Variants in PIGK observed in about 807,000 individuals in gnomAD.
PIGK encodes GPI-anchor transamidase.
PIGK carries 42 observed loss-of-function variants against 50.6 expected under a neutral mutation model. The ratio of observed to expected loss-of-function variants is 0.83; its 90% confidence interval spans 0.65 to 1.07. The LOEUF is 1.07. Ranked by LOEUF, PIGK falls within the 50% of genes least tolerant of loss-of-function variation. The pLI is 0.00. For synonymous variants in PIGK, 151 were observed against 156.0 expected (o/e 0.97, Z 0.24); for missense variants, 448 against 488.7 (o/e 0.92, Z 0.78).
Position 77,093,881 on chromosome 1 carries a change from T to C in PIGK, c.1072-1391A>G, listed in dbSNP as rs1653352351. 2.6e-5 allele frequency among the ~76,000 whole-genome samples: 4 copies of C among 152,280 alleles called. No homozygotes were observed. The South Asian group carries it at 8.3e-4, about 32-fold the overall frequency. Reference sequence around the variant, plus strand: ...TCGGTGGTTCTCAAACCATTTCTAATGGCAAAGCTCTTGGAAGTTACAGTG... The same window carrying C: ...TCGGTGGTTCTCAAACCATTTCTAACGGCAAAGCTCTTGGAAGTTACAGTG... On this transcript the variant is annotated intron_variant, in intron 10 of 10. Coordinates refer to ENST00000370812, the MANE Select transcript of PIGK (RefSeq NM_005482.3).
chr1:77,176,288 G>A (rs111432605), intron 3 of PIGK, among the ~76,000 whole-genome samples: 240 of 152,112 alleles, frequency 1.6e-3, no homozygotes, highest in African/African-American at 5.4e-3. Flanking sequence ...GCTACAGAGG[G>A]CCCCTGAAGA....
At chr1:77,191,424 A>T (rs1166188178) in intron 3 of PIGK, among the ~76,000 whole-genome samples, 1 of 152,214 alleles carries the variant, frequency 6.6e-6, no homozygotes, top group East Asian at 1.9e-4. Flanking sequence ...CTACTATAAT[A>T]AAAGTATTTT....
At chr1:77,214,018 T>C (rs908929883) in intron 1 of PIGK, among the ~76,000 whole-genome samples, 6 of 152,064 alleles carry the variant, frequency 3.9e-5, no homozygotes, top group African/African-American at 1.4e-4. Context: ...TGAGGCTGAG[T>C]AATGCGCTTG....
intron 3 of PIGK, among the ~76,000 whole-genome samples, chr1:77,203,859 A>C (rs1213756918): frequency 1.3e-5 from 2 of 152,132 alleles, no homozygotes; most frequent in Non-Finnish European, 2.9e-5. Context: ...ATAATTTCCT[A>C]TGCCTGTCTT....
intron 3 of PIGK, among the ~76,000 whole-genome samples, chr1:77,172,291 C>T (rs1051681996): frequency 1.3e-5 from 2 of 152,188 alleles, no homozygotes; most frequent in Admixed American, 1.3e-4. Context: ...CACCCATATA[C>T]TGCCAAGTGC....
At chr1:77,184,702 T>G (rs911412702) in intron 3 of PIGK, among the ~76,000 whole-genome samples, 3 of 152,208 alleles carry the variant, frequency 2.0e-5, no homozygotes, top group African/African-American at 7.2e-5. Context: ...ACTCATCTTG[T>G]GGTCATTTCC....
intron 10 of PIGK, among the ~76,000 whole-genome samples, chr1:77,101,563 G>A (rs1426767109): frequency 6.6e-6 from 1 of 152,098 alleles, no homozygotes; most frequent in African/African-American, 2.4e-5. Flanking sequence ...TTGAAGACAA[G>A]AAATATAAAA....
Position 77,210,439 on chromosome 1 carries a change from A to T in PIGK, c.144T>A (p.Val48=). ...TATACTTTTACAGTATACTTACCAG[A>T]ACAGCCCAGTTGTTTGTATGGCCAC... ...FRSGHTNNWA[V]LVCTSRFWFN... Residue 48 remains valine, a synonymous_variant, in exon 2 of 11, where the codon GTT becomes GTA. Transcript: ENST00000370812. 1 of 1,589,108 alleles carries T rather than the reference A, an allele frequency of 6.3e-7. No individual in the cohort carries two copies. The highest frequency in any genetic ancestry group is 1.7e-5 in the Admixed American group (1 of 58,580).
intron 8 of PIGK, among the ~76,000 whole-genome samples, chr1:77,158,710 G>A (rs145243389): frequency 6.6e-6 from 1 of 152,262 alleles, no homozygotes; most frequent in East Asian, 1.9e-4. Context: ...GAAATTGAGG[G>A]AGATGATTTA....
chr1:77,114,898 A>G (rs1653928484), intron 10 of PIGK, among the ~76,000 whole-genome samples: 1 of 152,200 alleles, frequency 6.6e-6, no homozygotes, highest in Non-Finnish European at 1.5e-5. Context: ...GGAAAGCGCT[A>G]CAAGATTTTA....
intron 9 of PIGK, among the ~76,000 whole-genome samples, chr1:77,133,293 A>G (rs762756298): frequency 1.3e-5 from 2 of 152,130 alleles, no homozygotes; most frequent in Non-Finnish European, 2.9e-5. Flanking sequence ...CCATCGATTG[A>G]GTTCTTAACT....
In PIGK at chr1:77,190,171, T is replaced by G. The variant is rs187419679; in HGVS notation, c.239+16469A>C. On this transcript the variant is annotated intron_variant, in intron 3 of 10. Transcript: ENST00000370812. ...GGGAAGCTGAGGTGGGAGGATCGTT[T>G]GAGGCCAGGAGTTCAAGACCAGCCT... is the stretch of plus-strand genomic sequence containing the variant. 4.2e-3 allele frequency among the ~76,000 whole-genome samples: 640 copies of G among 152,108 alleles called. 5 individuals carry two copies. Among genetic ancestry groups the G allele is most frequent in the African/African-American group, 0.015 (618 of 41,516 alleles).
chr1:77,097,160 C>T (rs946145411), intron 10 of PIGK, among the ~76,000 whole-genome samples: 10 of 152,040 alleles, frequency 6.6e-5, no homozygotes, highest in African/African-American at 2.2e-4. Flanking sequence ...CTAACAATGG[C>T]ATAAGAACAG....
chr1:77,184,686 C>A (rs957587855), intron 3 of PIGK, among the ~76,000 whole-genome samples: 49 of 152,048 alleles, frequency 3.2e-4, no homozygotes, highest in Admixed American at 3.0e-3. Flanking sequence ...TCCAGTGGAT[C>A]CCCAGACTCA....
At chr1:77,122,811 G>C (rs1235571013) in intron 9 of PIGK, among the ~76,000 whole-genome samples, 2 of 152,128 alleles carry the variant, frequency 1.3e-5, no homozygotes, top group Admixed American at 6.5e-5. Context: ...GAGTCTCTCA[G>C]TTTCCCCGTG....
At chr1:77,158,321 T>C (rs1454267534) in intron 8 of PIGK, among the ~76,000 whole-genome samples, 2 of 144,474 alleles carry the variant, frequency 1.4e-5, no homozygotes, top group South Asian at 2.1e-4. Context: ...CCAGCCTAAA[T>C]CTCTCTTTTT....
chr1:77,205,244 C>A (rs1402016624), intron 3 of PIGK, among the ~76,000 whole-genome samples: 3 of 151,922 alleles, frequency 2.0e-5, no homozygotes, highest in African/African-American at 4.8e-5. Context: ...GACGCAAGAG[C>A]CGTTAAAGAC....
intron 9 of PIGK, among the ~76,000 whole-genome samples, chr1:77,145,423 T>A (rs1191269473): frequency 6.6e-6 from 1 of 152,060 alleles, no homozygotes; most frequent in Admixed American, 6.5e-5. Flanking sequence ...ATTGTAATAC[T>A]TCTGCATTTG....
In PIGK at chr1:77,092,276, C is replaced by T; in HGVS notation, c.*98G>A. On this transcript the variant is annotated 3_prime_UTR_variant, in exon 11 of 11. Coordinates refer to ENST00000370812, the MANE Select transcript of PIGK (RefSeq NM_005482.3). ...AATTTAGTTTCCTTATACTTATTTC[C>T]AATTCATACAAGAGAAACACATTTT... is the stretch of plus-strand genomic sequence containing the variant. 3 of 580,938 alleles carry T rather than the reference C, an allele frequency of 5.2e-6. No individual in the cohort carries two copies. The highest frequency in any genetic ancestry group is 3.2e-5 in the East Asian group (1 of 31,178). 36.0% of individuals were successfully genotyped at this position (580,938 alleles called of 1,614,324 possible).
Sources: allele counts gnomAD v4.1 joint callset (sites outside exome capture counted in the v4.1 genomes callset), GRCh38; gene constraint gnomAD v4.1.1; transcripts MANE v1.5; gene names NCBI Gene and HGNC (gene_info 2026-07-23, HGNC 2026-07-21).